RBFOX1: variants seen among roughly 807,000 people sequenced by gnomAD.
RBFOX1 encodes the protein RNA binding fox-1 homolog 1.
Under a neutral mutation model 57.7 loss-of-function variants are expected in RBFOX1, and 8 were observed. The ratio of observed to expected loss-of-function variants is 0.14; its 90% CI spans 0.08 to 0.25. The LOEUF (loss-of-function observed/expected upper bound fraction) is 0.25, where lower values mean the gene tolerates loss of function less well. Among genes scored for constraint, RBFOX1 ranks in the 10% least tolerant of loss-of-function variants. The pLI is 1.00. For missense variants in RBFOX1, 611 were observed against 548.5 expected, an observed-to-expected ratio of 1.11 and a Z score of -1.14; for synonymous variants, 326 against 222.4, an observed-to-expected ratio of 1.47 and a Z score of -4.15.
chr16:7,107,700 C>T (rs2063859383), intron 4 of RBFOX1, among the ~76,000 whole-genome samples: 1 of 152,072 alleles, frequency 6.6e-6, no homozygotes, highest in Non-Finnish European at 1.5e-5. Flanking sequence ...TTTGCCTTTT[C>T]TAGAATTTTA....
chr16:6,594,252 G>A (rs914912915), intron 2 of RBFOX1, among the ~76,000 whole-genome samples: 2 of 152,174 alleles, frequency 1.3e-5, no homozygotes, highest in African/African-American at 4.8e-5. Flanking sequence ...AAATGAAGAA[G>A]GAAACACGAA....
chr16:6,501,593 T>G (rs946315088), intron 2 of RBFOX1, among the ~76,000 whole-genome samples: 1 of 152,070 alleles, frequency 6.6e-6, no homozygotes, highest in Non-Finnish European at 1.5e-5. Context: ...AGTGCCACAA[T>G]AAACATACGT....
chr16:5,328,637 G>A (rs1398985067), intron 1 of RBFOX1, among the ~76,000 whole-genome samples: 1 of 152,180 alleles, frequency 6.6e-6, no homozygotes, highest in East Asian at 1.9e-4. Context: ...GTCTGCACGT[G>A]GAAGATCTAA....
chr16:6,753,817 A>G lies in RBFOX1; in HGVS notation c.-16+99167A>G, dbSNP rs369875503. Among the ~76,000 whole-genome samples the G allele has an allele frequency of 1.5e-4, 23 of 152,102 alleles. No individual in the cohort carries two copies. In the East Asian group the frequency reaches 4.5e-3, roughly 30 times the overall value. On this transcript the variant is annotated intron_variant, in intron 3 of 15. Coordinates refer to ENST00000550418, the MANE Select transcript of RBFOX1 (RefSeq NM_018723.4). ...TGAGGCTGTTGCCTGCTCTACATTG[A>G]TTGAGTTTCCTGGGCTTGAGGGATT...
intron 4 of RBFOX1, among the ~76,000 whole-genome samples, chr16:7,464,969 T>A (rs1024816593): frequency 1.3e-5 from 2 of 151,996 alleles, no homozygotes; most frequent in Admixed American, 6.6e-5. Context: ...AGTGCTGCGA[T>A]TACAGGGATG....
intron 3 of RBFOX1, among the ~76,000 whole-genome samples, chr16:5,764,236 G>T (rs898029364): frequency 2.0e-5 from 3 of 152,166 alleles, no homozygotes; most frequent in African/African-American, 7.2e-5. Flanking sequence ...GGTTAGATGG[G>T]CTGTTCTTAA....
chr16:7,691,327 CA>C (rs765717118), intron 14 of RBFOX1, among the ~76,000 whole-genome samples: 10 of 147,124 alleles, frequency 6.8e-5, no homozygotes, highest in Non-Finnish European at 1.5e-4. Flanking sequence ...AAGAAGAGAC[CA>C]GGGGTAAAAA....
At chr16:6,442,939 A>G (rs1334569160) in intron 2 of RBFOX1, among the ~76,000 whole-genome samples, 1 of 152,210 alleles carries the variant, frequency 6.6e-6, no homozygotes, top group Non-Finnish European at 1.5e-5. Flanking sequence ...CACCAACTTA[A>G]TAAAAATGTA....
intron 3 of RBFOX1, among the ~76,000 whole-genome samples, chr16:6,987,239 T>G (rs1434858753): frequency 6.6e-6 from 1 of 152,198 alleles, no homozygotes; most frequent in Non-Finnish European, 1.5e-5. Context: ...GCCCTGGTTA[T>G]GCACAGATTT....
intron 3 of RBFOX1, among the ~76,000 whole-genome samples, chr16:6,800,347 T>A (rs1022439733): frequency 6.6e-6 from 1 of 152,170 alleles, no homozygotes; most frequent in Non-Finnish European, 1.5e-5. Context: ...GCTACCTATT[T>A]TTGTTTTTCA....
intron 3 of RBFOX1, among the ~76,000 whole-genome samples, chr16:6,773,634 G>A (rs1206184961): frequency 7.0e-6 from 1 of 141,868 alleles, no homozygotes; most frequent in East Asian, 2.2e-4. Context: ...GTGCATTTGT[G>A]TGTGTATGTG....
chr16:6,869,713 A>G (rs1241773548), intron 3 of RBFOX1, among the ~76,000 whole-genome samples: 2 of 152,202 alleles, frequency 1.3e-5, no homozygotes, highest in African/African-American at 4.8e-5. Context: ...TGGCAAAGCC[A>G]TGTGACTCTA....
intron 4 of RBFOX1, among the ~76,000 whole-genome samples, chr16:5,914,417 C>A (rs73519497): frequency 1.3e-5 from 2 of 152,108 alleles, no homozygotes; most frequent in African/African-American, 4.8e-5. Flanking sequence ...TGAATCCTGA[C>A]TGAGGCTAGA....
chr16:5,348,500 A>G (rs964931687), intron 1 of RBFOX1, among the ~76,000 whole-genome samples: 2 of 152,198 alleles, frequency 1.3e-5, no homozygotes, highest in Admixed American at 6.5e-5. Flanking sequence ...TGGAGAGGGT[A>G]GCAGCTTGCC....
chr16:6,571,500 C>G (rs1243844583), intron 2 of RBFOX1, among the ~76,000 whole-genome samples: 1 of 151,970 alleles, frequency 6.6e-6, no homozygotes. Flanking sequence ...AGTTTTTCTA[C>G]TTGGGTGAAA....
chr16:6,896,938 C>T (rs1205753823), intron 3 of RBFOX1, among the ~76,000 whole-genome samples: 3 of 152,026 alleles, frequency 2.0e-5, no homozygotes, highest in African/African-American at 7.2e-5. Flanking sequence ...AGCAAAGAAA[C>T]TCTGCCACAA....
At chr16:5,257,883 T>C (rs2062629417) in intron 1 of RBFOX1, among the ~76,000 whole-genome samples, 1 of 152,078 alleles carries the variant, frequency 6.6e-6, no homozygotes, top group Non-Finnish European at 1.5e-5. Context: ...GGGTTTTTGT[T>C]TGCTTGTTTC....
At chr16:5,543,753 T>A (rs1478135711) in intron 2 of RBFOX1, among the ~76,000 whole-genome samples, 1 of 152,124 alleles carries the variant, frequency 6.6e-6, no homozygotes, top group African/African-American at 2.4e-5. Flanking sequence ...GTGTTCAAGC[T>A]TAGTGATATA....
intron 4 of RBFOX1, among the ~76,000 whole-genome samples, chr16:7,500,352 G>A (rs1364573690): frequency 6.6e-6 from 1 of 152,160 alleles, no homozygotes; most frequent in Non-Finnish European, 1.5e-5. Context: ...TGCTTAGTTG[G>A]GTTGTACTGA....
Sources: allele counts gnomAD v4.1 joint callset (sites outside exome capture counted in the v4.1 genomes callset), GRCh38; gene constraint gnomAD v4.1.1; transcripts MANE v1.5; gene names NCBI Gene and HGNC (gene_info 2026-07-23, HGNC 2026-07-21).